Variants in TBC1D30 observed in about 807,000 individuals in gnomAD.
The protein encoded by TBC1D30 is TBC1 domain family, member 30.
A neutral mutation model predicts 63.2 loss-of-function variants in TBC1D30; 31 were observed. The ratio of observed to expected loss-of-function variants is 0.49; its 90% CI spans 0.37 to 0.66. The LOEUF (loss-of-function observed/expected upper bound fraction) is 0.66. Ranked by LOEUF, TBC1D30 falls within the 30% of genes least tolerant of loss-of-function variation. The pLI, the probability that TBC1D30 is intolerant of heterozygous loss-of-function variation, is 0.00. For synonymous variants in TBC1D30, 307 were observed against 361.5 expected (o/e 0.85, Z 1.71); for missense variants, 810 against 953.6 (o/e 0.85, Z 1.98).
upstream of TBC1D30, among the ~76,000 whole-genome samples, chr12:64,778,615 G>A (rs1465106841): frequency 6.9e-6 from 1 of 144,764 alleles, no homozygotes; most frequent in Admixed American, 7.0e-5. Context: ...GGAATGCAGT[G>A]GCGTGATCTC....
intron 1 of TBC1D30, among the ~76,000 whole-genome samples, chr12:64,773,040 T>G (rs746905870): frequency 1.3e-5 from 2 of 152,260 alleles, no homozygotes; most frequent in Non-Finnish European, 2.9e-5. Context: ...TACTGTGTAT[T>G]AATATGCATT....
chr12:64,877,707 T>C lies in TBC1D30; in HGVS notation c.*1919T>C, dbSNP rs1879188341. 6.6e-6 allele frequency: 1 copy of C among 152,244 alleles called. No homozygotes were observed. 9.4% of individuals were successfully genotyped at this position (152,244 alleles called of 1,614,324 possible). A position where few individuals can be genotyped will look rare whatever the true frequency, so the allele number is the denominator to read the frequency against. The stretch of plus-strand genomic sequence containing the variant: ...CCTCAGGGCCCAGAGACCCACTGCA[T>C]TTTCCAAAGTTAAGCAAATGACACC... On this transcript the variant is annotated 3_prime_UTR_variant, in exon 12 of 12. Coordinates refer to ENST00000539867, the MANE Select transcript of TBC1D30 (RefSeq NM_015279.2).
At chr12:64,795,964 T>C (rs1872238560) in intron 2 of TBC1D30, among the ~76,000 whole-genome samples, 1 of 152,140 alleles carries the variant, frequency 6.6e-6, no homozygotes, top group African/African-American at 2.4e-5. Context: ...TAATTACAAA[T>C]TTGTTAATAT....
chr12:64,857,299 C>T (rs1877390571), intron 8 of TBC1D30, among the ~76,000 whole-genome samples: 1 of 152,118 alleles, frequency 6.6e-6, no homozygotes, highest in African/African-American at 2.4e-5. Context: ...CTTTAGTCGG[C>T]AGGTGATGAA....
chr12:64,772,061 C>A (rs994089755), intron 1 of TBC1D30, among the ~76,000 whole-genome samples: 2 of 151,948 alleles, frequency 1.3e-5, no homozygotes, highest in Non-Finnish European at 2.9e-5. Flanking sequence ...TCTAGACCAG[C>A]CTGACCAACA....
Position 64,836,642 on chromosome 12 carries a change from A to G in TBC1D30, c.747A>G (p.Ala249=). 14 of 1,534,554 alleles carry G rather than the reference A, an allele frequency of 9.1e-6. No individual in the cohort carries two copies. The highest frequency in any genetic ancestry group is 1.2e-5 in the Non-Finnish European group (14 of 1,145,760). The part of the protein sequence containing the change: ...SQHLDTLQRT[A]NKESGGGYEP... ...ACCTGGATACTCTTCAGAGAACTGC[A>G]AACAAAGAAAGTGGAGGTAGGTTTC... Residue 249 remains alanine, a synonymous_variant, in exon 6 of 12, where the codon GCA becomes GCG. Coordinates refer to ENST00000539867, the MANE Select transcript of TBC1D30 (RefSeq NM_015279.2).
At chr12:64,811,705 A>AT (rs1030947586) in intron 2 of TBC1D30, among the ~76,000 whole-genome samples, 20 of 152,206 alleles carry the variant, frequency 1.3e-4, no homozygotes, top group Admixed American at 2.6e-4. Flanking sequence ...TTATCATGAG[A>AT]TTTTTTTGTT....
At chr12:64,823,252 ATAC>A (rs1473660246), upstream of TBC1D30, among the ~76,000 whole-genome samples, 1 of 152,210 alleles carries the variant, frequency 6.6e-6, no homozygotes, top group African/African-American at 2.4e-5. Context: ...AATAACAATA[ATAC>A]TACTGAATGA....
rs372892007 is a variant in TBC1D30, at chr12:64,842,857, G to A, written c.933-523G>A. On this transcript the variant is annotated intron_variant, in intron 7 of 11. Transcript: ENST00000539867. ...CAGGTGGGACTGTGAGGCGAGGAGT[G>A]CCAAGTAGGAATGACAGGACTTACC... Among the ~76,000 whole-genome samples the A allele has an allele frequency of 4.2e-4, 64 of 152,288 alleles. No homozygotes were observed. The East Asian group carries it at 0.01, about 24-fold the overall frequency.
At position 64,836,666 on chromosome 12, in the gene TBC1D30, T is replaced by C; in HGVS notation, c.763+8T>C. On this transcript the variant is annotated splice_region_variant and intron_variant, in intron 6 of 11. Coordinates refer to ENST00000539867, the MANE Select transcript of TBC1D30 (RefSeq NM_015279.2). The stretch of plus-strand genomic sequence containing the variant: ...CAAACAAAGAAAGTGGAGGTAGGTT[T>C]CAATGCTATTATAACTCTGAAAATA... 1 of 1,531,638 alleles carries C rather than the reference T, an allele frequency of 6.5e-7. No homozygotes were observed. 94.9% of individuals were successfully genotyped at this position (1,531,638 alleles called of 1,614,324 possible).
intron 8 of TBC1D30, among the ~76,000 whole-genome samples, chr12:64,855,224 AT>A (rs983262957): frequency 6.8e-5 from 10 of 146,494 alleles, no homozygotes; most frequent in East Asian, 4.0e-4. Context: ...TATGTTACTC[AT>A]TTTTTTTTTC....
At chr12:64,788,194 T>G (rs537599286) in intron 2 of TBC1D30, among the ~76,000 whole-genome samples, 38 of 126,738 alleles carry the variant, frequency 3.0e-4, no homozygotes, top group East Asian at 8.4e-4. Context: ...TGTGTAGGGG[T>G]GTGTGTGTGT....
At chr12:64,818,060 CA>C (rs60136357) in intron 2 of TBC1D30, among the ~76,000 whole-genome samples, 3,882 of 137,004 alleles carry the variant, frequency 0.028, 118 homozygotes, top group African/African-American at 0.083. Flanking sequence ...GAGACTCTAC[CA>C]AAAAAAAAAA....
intron 1 of TBC1D30, among the ~76,000 whole-genome samples, chr12:64,774,756 A>G (rs1231929736): frequency 1.3e-5 from 2 of 152,188 alleles, no homozygotes; most frequent in African/African-American, 4.8e-5. Flanking sequence ...GGAATTCATT[A>G]CTACCAGACC....
intron 10 of TBC1D30, among the ~76,000 whole-genome samples, chr12:64,869,357 C>T (rs1191515057): frequency 6.6e-6 from 1 of 152,178 alleles, no homozygotes; most frequent in East Asian, 1.9e-4. Flanking sequence ...TTCCTGCAAG[C>T]CTCAGCTTGT....
At chr12:64,868,545 T>C (rs1321486022) in intron 10 of TBC1D30, 1 of 287,020 alleles carries the variant, frequency 3.5e-6, no homozygotes, top group African/African-American at 2.3e-5. Context: ...TTTAGCTTTT[T>C]CATAGATAAG....
At chr12:64,785,985 A>G in exon 2 of TBC1D30, 3 of 1,289,816 alleles carry the variant, frequency 2.3e-6, no homozygotes, top group African/African-American at 1.5e-5. Flanking sequence ...GCTTCTGCAT[A>G]AAGTGCAGAG....
At chr12:64,781,428 CCG>C (rs1380645667) in intron 1 of TBC1D30, 2 of 886,012 alleles carry the variant, frequency 2.3e-6, no homozygotes, top group Non-Finnish European at 2.7e-6. Context: ...GTGGTACCCA[CCG>C]TGGCACAGAT....
At chr12:64,858,093 A>C (rs1026173483) in intron 8 of TBC1D30, among the ~76,000 whole-genome samples, 4 of 152,256 alleles carry the variant, frequency 2.6e-5, no homozygotes, top group South Asian at 4.1e-4. Context: ...GGTTCTTGTT[A>C]TCGTGCTTCT....
Sources: allele counts gnomAD v4.1 joint callset (sites outside exome capture counted in the v4.1 genomes callset), GRCh38; gene constraint gnomAD v4.1.1; transcripts MANE v1.5; gene names NCBI Gene and HGNC (gene_info 2026-07-23, HGNC 2026-07-21).